ACSF3: variants seen among roughly 807,000 people sequenced by gnomAD.
The protein encoded by ACSF3 is acyl-CoA synthetase family member 3, also known as malonate--CoA ligase ACSF3, mitochondrial.
ACSF3 carries 78 observed loss-of-function variants against 53.2 expected under a neutral mutation model. The ratio of observed to expected loss-of-function variants is 1.47; its 90% CI spans 1.22 to 1.77. The LOEUF is 1.77. ACSF3 is among the 40% of genes most tolerant of loss of function. The probability of loss-of-function intolerance (pLI) is 0.00; values close to 1 mark genes in which losing one functional copy is unlikely to be tolerated. For missense variants in ACSF3, 937 were observed against 771.1 expected, an observed-to-expected ratio of 1.22 and a Z score of -2.55; for synonymous variants, 414 against 333.1, an observed-to-expected ratio of 1.24 and a Z score of -2.65.
At position 89,154,213 on chromosome 16, in the gene ACSF3, C is replaced by G; in HGVS notation, c.*6C>G. 1.2e-6 allele frequency: 2 copies of G among 1,612,156 alleles called. No individual in the cohort carries two copies. Among genetic ancestry groups the G allele is most frequent in the South Asian group, 2.2e-5 (2 of 90,866 alleles). On this transcript the variant is annotated 3_prime_UTR_variant, in exon 11 of 11. Coordinates refer to ENST00000614302, the MANE Select transcript of ACSF3 (RefSeq NM_001243279.3). ...GGCACTTCCACCCCTCATGACCCGGCAGACTGGGACTGCGGGTCTGGTGGG... is the reference window on the plus strand; with the variant it reads ...GGCACTTCCACCCCTCATGACCCGGGAGACTGGGACTGCGGGTCTGGTGGG...
chr16:89,115,770 C>T (rs763832834), intron 6 of ACSF3, among the ~76,000 whole-genome samples: 1 of 152,190 alleles, frequency 6.6e-6, no homozygotes, highest in East Asian at 1.9e-4. Context: ...GGTGGTGTCT[C>T]GTTGAGTTCA....
At chr16:89,115,533 C>A (rs538647869) in intron 6 of ACSF3, among the ~76,000 whole-genome samples, 1 of 152,234 alleles carries the variant, frequency 6.6e-6, no homozygotes, top group Admixed American at 6.5e-5. Flanking sequence ...GGTGTGGGTG[C>A]GGCACCGCTT....
chr16:89,114,759 G>A (rs972099190), intron 6 of ACSF3: 2 of 527,280 alleles, frequency 3.8e-6, no homozygotes, highest in East Asian at 3.5e-5. Flanking sequence ...GGGAAGAACA[G>A]CAATGCCTGG....
intron 8 of ACSF3, among the ~76,000 whole-genome samples, chr16:89,141,732 G>A (rs1004256001): frequency 2.0e-5 from 3 of 152,180 alleles, no homozygotes; most frequent in East Asian, 1.9e-4. Context: ...GTGGGGAGCC[G>A]GCCCTGTGGT....
At position 89,103,049 on chromosome 16, in the gene ACSF3, G is replaced by A. The variant is rs148816295; in HGVS notation, c.822+290G>A. Among the ~76,000 whole-genome samples the A allele has an allele frequency of 4.9e-3, 753 of 152,346 alleles. 6 individuals carry two copies. The highest frequency in any genetic ancestry group is 8.1e-3 in the Non-Finnish European group (551 of 68,022). ...TTAATTTATAAGTTAGGCACAGTAA[G>A]AGGTTAACAATAACAGAACAGTTAT... is the stretch of plus-strand genomic sequence containing the variant. On this transcript the variant is annotated intron_variant, in intron 4 of 10. Coordinates refer to ENST00000614302, the MANE Select transcript of ACSF3 (RefSeq NM_001243279.3).
chr16:89,096,732 C>A (rs1030889049), intron 1 of ACSF3, among the ~76,000 whole-genome samples: 2 of 152,336 alleles, frequency 1.3e-5, no homozygotes, highest in South Asian at 4.1e-4. Context: ...AGGACTCCCC[C>A]CTTCCCTCGG....
chr16:89,099,568 G>T (rs559412017), intron 2 of ACSF3, among the ~76,000 whole-genome samples: 1 of 152,162 alleles, frequency 6.6e-6, no homozygotes, highest in Non-Finnish European at 1.5e-5. Context: ...ATCACCGGAG[G>T]TCAGGAGTTG....
At chr16:89,137,156 A>AG (rs1910682406) in intron 8 of ACSF3, among the ~76,000 whole-genome samples, 1 of 152,366 alleles carries the variant, frequency 6.6e-6, no homozygotes, top group Non-Finnish European at 1.5e-5. Flanking sequence ...GCATCCCTGC[A>AG]GGGGTGAATG....
intron 8 of ACSF3, chr16:89,141,145 C>T (rs765802385): frequency 7.8e-6 from 10 of 1,287,136 alleles, no homozygotes; most frequent in Middle Eastern, 3.2e-4. Flanking sequence ...GCGGGGTGTC[C>T]GACCCGCTCT....
Position 89,120,798 on chromosome 16 carries a change from T to G in ACSF3, c.1127-3T>G, listed in dbSNP as rs750231954. The stretch of plus-strand genomic sequence containing the variant: ...CCCCTTCAGTGTTTCTCCTCTCCTG[T>G]AGGTTCCGTGGGGACCCCACTGCCT... On this transcript the variant is annotated splice_polypyrimidine_tract_variant and splice_region_variant and intron_variant, in intron 6 of 10. Transcript: ENST00000614302. 3.1e-6 allele frequency: 5 copies of G among 1,613,726 alleles called. No homozygotes were observed. The East Asian group carries it at 1.1e-4, about 36-fold the overall frequency.
intron 8 of ACSF3, among the ~76,000 whole-genome samples, chr16:89,135,658 TC>T (rs1472912439): frequency 3.9e-5 from 6 of 152,264 alleles, no homozygotes; most frequent in African/African-American, 7.2e-5. Flanking sequence ...GTCCATGACT[TC>T]CCTTCAAATG....
chr16:89,117,184 GCA>G (rs1238146547), intron 6 of ACSF3, among the ~76,000 whole-genome samples: 11 of 152,310 alleles, frequency 7.2e-5, no homozygotes, highest in South Asian at 6.2e-4. Flanking sequence ...GAATCTGTCT[GCA>G]CAGTTTGTAG....
At chr16:89,148,947 C>T (rs1373667305) in intron 10 of ACSF3, 1 of 152,232 alleles carries the variant, frequency 6.6e-6, no homozygotes. Context: ...ATTTCTGCAG[C>T]CAGCTTGAAT....
chr16:89,137,321 TTGA>T (rs1910755472), intron 8 of ACSF3, among the ~76,000 whole-genome samples: 1 of 113,116 alleles, frequency 8.8e-6, no homozygotes, highest in African/African-American at 3.9e-5. Context: ...CGGGGAAGGA[TTGA>T]GGGGAAGAGC....
chr16:89,146,617 A>C (rs1430207022), intron 10 of ACSF3, among the ~76,000 whole-genome samples: 5 of 152,118 alleles, frequency 3.3e-5, no homozygotes, highest in Admixed American at 6.5e-5. Flanking sequence ...AGACCCCAGC[A>C]CCATCACCAT....
chr16:89,109,438 G>C (rs1451410817), intron 4 of ACSF3, among the ~76,000 whole-genome samples: 1 of 103,460 alleles, frequency 9.7e-6, no homozygotes, highest in Non-Finnish European at 1.8e-5. Context: ...TTGAGATGGA[G>C]TCTCACTCTG....
At chr16:89,134,987 C>T (rs34007589) in intron 8 of ACSF3, among the ~76,000 whole-genome samples, 22,111 of 151,520 alleles carry the variant, frequency 0.15, 1,761 homozygotes, top group African/African-American at 0.22. Context: ...GCTGCAGGTA[C>T]TCACTGTAGT....
intron 7 of ACSF3, among the ~76,000 whole-genome samples, chr16:89,131,214 A>G (rs1441031347): frequency 7.1e-6 from 1 of 141,184 alleles, no homozygotes; most frequent in Non-Finnish European, 1.5e-5. Context: ...GTTCACTGCA[A>G]TCTCCACCTC....
At chr16:89,123,742 G>C (rs1195065293) in intron 7 of ACSF3, among the ~76,000 whole-genome samples, 1 of 152,190 alleles carries the variant, frequency 6.6e-6, no homozygotes, top group Non-Finnish European at 1.5e-5. Context: ...TGTGCCCTGT[G>C]GGGATGGGAG....
Sources: gnomAD v4.1 joint callset for allele counts (sites outside exome capture counted in the v4.1 genomes callset) on GRCh38, gnomAD v4.1.1 for gene constraint, MANE v1.5 for transcripts, NCBI Gene and HGNC (gene_info 2026-07-23, HGNC 2026-07-21) for gene names.